The following HHAT variants were observed in gnomAD, a reference collection of about 807,000 sequenced individuals.
HHAT encodes the protein hedgehog acyltransferase.
Under a neutral mutation model 70.8 loss-of-function variants are expected in HHAT, and 47 were observed. The observed-to-expected ratio is 0.66, with a 90% confidence interval of 0.53 to 0.85. The LOEUF is 0.85. Ranked by LOEUF, HHAT falls within the 40% of genes least tolerant of loss-of-function variation. The pLI, the probability that HHAT is intolerant of heterozygous loss-of-function variation, is 0.00. For missense variants in HHAT, 609 were observed against 604.8 expected (o/e 1.01, Z -0.07); for synonymous variants, 228 against 247.6 (o/e 0.92, Z 0.74).
intron 11 of HHAT, among the ~76,000 whole-genome samples, chr1:210,662,737 C>T (rs1038597295): frequency 6.6e-6 from 1 of 151,848 alleles, no homozygotes; most frequent in Admixed American, 6.6e-5. Context: ...TTCTCCTCCC[C>T]ACTCCCTGCA....
chr1:210,406,865 G>C (rs1188949866), intron 6 of HHAT, among the ~76,000 whole-genome samples: 1 of 152,116 alleles, frequency 6.6e-6, no homozygotes, highest in East Asian at 1.9e-4. Context: ...GTAGGGGCCA[G>C]GTATAGACAC....
chr1:210,615,746 G>A (rs774441224), intron 10 of HHAT, among the ~76,000 whole-genome samples: 2 of 152,266 alleles, frequency 1.3e-5, no homozygotes, highest in South Asian at 2.1e-4. Flanking sequence ...AGGCTGCAGA[G>A]CAGCGAATAT....
chr1:210,552,499 T>A (rs561266646), intron 9 of HHAT, among the ~76,000 whole-genome samples: 48 of 152,160 alleles, frequency 3.2e-4, no homozygotes, highest in Non-Finnish European at 5.9e-4. Context: ...TGGACAACTT[T>A]GAAGGAATTA....
chr1:210,374,011 G>C (rs1040243805), intron 3 of HHAT: 7 of 152,194 alleles, frequency 4.6e-5, no homozygotes, highest in African/African-American at 1.4e-4. Context: ...CAAGTATTCA[G>C]ACCTTTGACA....
At chr1:210,571,781 A>T (rs549620382) in intron 9 of HHAT, among the ~76,000 whole-genome samples, 7 of 152,324 alleles carry the variant, frequency 4.6e-5, no homozygotes, top group African/African-American at 1.7e-4. Context: ...TACAGCTGAC[A>T]TCTTTGGATT....
intron 8 of HHAT, among the ~76,000 whole-genome samples, chr1:210,494,700 T>C (rs1214505011): frequency 6.6e-6 from 1 of 151,764 alleles, no homozygotes; most frequent in Non-Finnish European, 1.5e-5. Context: ...TACAGGTGTG[T>C]GCACCACCAT....
At chr1:210,610,507 C>T (rs946242964) in intron 10 of HHAT, among the ~76,000 whole-genome samples, 2 of 152,112 alleles carry the variant, frequency 1.3e-5, no homozygotes, top group African/African-American at 4.8e-5. Flanking sequence ...TATGCAGAAG[C>T]TCTTTAGTTT....
chr1:210,663,486 G>T (rs1678213568), intron 11 of HHAT, among the ~76,000 whole-genome samples: 1 of 152,196 alleles, frequency 6.6e-6, no homozygotes, highest in South Asian at 2.1e-4. Context: ...TAGACCTTGG[G>T]AAAGCTACTT....
chr1:210,453,212 CCT>C (rs1326477564), intron 7 of HHAT, among the ~76,000 whole-genome samples: 1 of 152,044 alleles, frequency 6.6e-6, no homozygotes, highest in Non-Finnish European at 1.5e-5. Flanking sequence ...TTCTTTTTCC[CCT>C]CTTTTGAGGC....
At chr1:210,331,103 G>A (rs1343531750) in intron 1 of HHAT, among the ~76,000 whole-genome samples, 1 of 152,084 alleles carries the variant, frequency 6.6e-6, no homozygotes, top group African/African-American at 2.4e-5. Context: ...TGGGATTACA[G>A]GTGTGAATCA....
intron 8 of HHAT, among the ~76,000 whole-genome samples, chr1:210,488,629 A>C (rs1172860696): frequency 6.6e-6 from 1 of 152,244 alleles, no homozygotes; most frequent in Non-Finnish European, 1.5e-5. Flanking sequence ...ATGGTGGCTA[A>C]TGCCTATAAT....
intron 10 of HHAT, among the ~76,000 whole-genome samples, chr1:210,602,971 G>A (rs751071305): frequency 7.9e-5 from 12 of 152,136 alleles, no homozygotes; most frequent in Non-Finnish European, 1.8e-4. Context: ...TTAGTATGGC[G>A]AAAGCATTTT....
intron 11 of HHAT, among the ~76,000 whole-genome samples, chr1:210,637,593 G>A (rs1157759563): frequency 6.6e-6 from 1 of 152,168 alleles, no homozygotes; most frequent in Non-Finnish European, 1.5e-5. Flanking sequence ...CGGGCATGGT[G>A]GCTCACACCT....
chr1:210,485,166 C>T (rs1246042659), intron 8 of HHAT, among the ~76,000 whole-genome samples: 2 of 152,144 alleles, frequency 1.3e-5, no homozygotes, highest in Admixed American at 1.3e-4. Flanking sequence ...AGAGCTCAGG[C>T]CTCCCCTTCC....
At chr1:210,580,164 G>A (rs995856679) in intron 9 of HHAT, among the ~76,000 whole-genome samples, 1 of 152,110 alleles carries the variant, frequency 6.6e-6, no homozygotes, top group Admixed American at 6.5e-5. Flanking sequence ...TAGTAAAGGA[G>A]CTGAGAATTA....
At chr1:210,395,130 G>A (rs919551938) in intron 4 of HHAT, among the ~76,000 whole-genome samples, 2 of 152,264 alleles carry the variant, frequency 1.3e-5, no homozygotes, top group East Asian at 3.9e-4. Context: ...CCATTGAGTG[G>A]TTTCTTGGCA....
At chr1:210,654,392 T>C (rs1675942816) in intron 11 of HHAT, among the ~76,000 whole-genome samples, 1 of 152,176 alleles carries the variant, frequency 6.6e-6, no homozygotes, top group African/African-American at 2.4e-5. Context: ...TCCACTAAAC[T>C]GTAGCTCTCC....
chr1:210,335,732 G>C (rs12064277), intron 1 of HHAT, among the ~76,000 whole-genome samples: 4,538 of 152,236 alleles, frequency 0.03, 251 homozygotes, highest in African/African-American at 0.1. Flanking sequence ...TAGACAAAAT[G>C]AATCTAGATC....
chr1:210,607,689 G>T (rs545086943), intron 10 of HHAT, among the ~76,000 whole-genome samples: 81 of 151,942 alleles, frequency 5.3e-4, no homozygotes, highest in African/African-American at 1.9e-3. Context: ...AGATGGCCAG[G>T]GTCTAGGGTC....
Sources: allele counts gnomAD v4.1 joint callset (sites outside exome capture counted in the v4.1 genomes callset), GRCh38; gene constraint gnomAD v4.1.1; transcripts MANE v1.5; gene names NCBI Gene and HGNC (gene_info 2026-07-23, HGNC 2026-07-21).